Variants in TENM3 observed in about 807,000 individuals in gnomAD.
The protein encoded by TENM3 is teneurin-3.
Under a neutral mutation model 255.1 loss-of-function variants are expected in TENM3, and 63 were observed. The observed-to-expected ratio is 0.25, with a 90% CI of 0.20 to 0.30. The LOEUF (loss-of-function observed/expected upper bound fraction) is 0.30. Ranked by LOEUF, TENM3 falls within the 10% of genes least tolerant of loss-of-function variation. TENM3 has a pLI of 1.00. For synonymous variants in TENM3, 1,306 were observed against 1,322.3 expected (o/e 0.99, Z 0.27); for missense variants, 2,929 against 3,461.1 (o/e 0.85, Z 3.86).
chr4:182,381,781 G>C (rs531181463), intron 3 of TENM3, among the ~76,000 whole-genome samples: 2 of 152,078 alleles, frequency 1.3e-5, no homozygotes, highest in South Asian at 4.2e-4. Flanking sequence ...GGCTGGTCTC[G>C]AACTCCCGAC....
At chr4:181,779,505 A>C in the TENM3 span, among the ~76,000 whole-genome samples, 58,598 of 151,540 alleles carry the variant, frequency 0.39, 11,997 homozygotes, top group Non-Finnish European at 0.44. Flanking sequence ...TTTTCTATCA[A>C]TTCTGGTTCT....
chr4:182,379,594 A>T (rs1396551031), intron 3 of TENM3, among the ~76,000 whole-genome samples: 1 of 148,962 alleles, frequency 6.7e-6, no homozygotes, highest in African/African-American at 2.6e-5. Context: ...TGAGGAGGAG[A>T]ATGACTTGAA....
the TENM3 span, among the ~76,000 whole-genome samples, chr4:181,478,266 C>T: frequency 1.3e-5 from 2 of 152,216 alleles, no homozygotes; most frequent in East Asian, 3.9e-4. Flanking sequence ...CATTATCATA[C>T]GGTATTATAA....
the TENM3 span, among the ~76,000 whole-genome samples, chr4:181,462,936 T>C: frequency 6.6e-6 from 1 of 152,228 alleles, no homozygotes; most frequent in Non-Finnish European, 1.5e-5. Flanking sequence ...GTGCATCACC[T>C]GTATTGGGTT....
chr4:181,550,357 C>T, the TENM3 span, among the ~76,000 whole-genome samples: 1 of 152,192 alleles, frequency 6.6e-6, no homozygotes, highest in Non-Finnish European at 1.5e-5. Flanking sequence ...GCTAAATGCT[C>T]TTAATCAAAG....
chr4:181,473,835 G>GTATATA, the TENM3 span, among the ~76,000 whole-genome samples: 501 of 142,454 alleles, frequency 3.5e-3, 3 homozygotes, highest in South Asian at 4.5e-3. Flanking sequence ...TATGTATACT[G>GTATATA]TATATATATA....
At chr4:182,670,294 T>C (rs1330859583) in intron 6 of TENM3, among the ~76,000 whole-genome samples, 1 of 152,212 alleles carries the variant, frequency 6.6e-6, no homozygotes, top group East Asian at 1.9e-4. Flanking sequence ...TTGGAAATTT[T>C]ATTCCTTAGA....
the TENM3 span, among the ~76,000 whole-genome samples, chr4:181,984,548 GTA>G: frequency 1.3e-5 from 2 of 151,736 alleles, no homozygotes; most frequent in Non-Finnish European, 2.9e-5. Flanking sequence ...CATTGTGTGT[GTA>G]TATGTGTTTC....
the TENM3 span, among the ~76,000 whole-genome samples, chr4:181,802,310 A>G: frequency 2.6e-5 from 4 of 152,312 alleles, no homozygotes; most frequent in Non-Finnish European, 4.4e-5. Flanking sequence ...GACATTACAG[A>G]AAGAATTATG....
chr4:182,386,875 A>G (rs1300075495), intron 3 of TENM3, among the ~76,000 whole-genome samples: 2 of 152,184 alleles, frequency 1.3e-5, no homozygotes, highest in African/African-American at 4.8e-5. Flanking sequence ...TCCCCGACGA[A>G]TGCCGCCCCC....
the TENM3 span, among the ~76,000 whole-genome samples, chr4:181,897,434 A>G: frequency 1.3e-5 from 2 of 152,338 alleles, no homozygotes; most frequent in Admixed American, 1.3e-4. Context: ...TACATTTACA[A>G]GTGACTATCC....
chr4:181,911,077 TA>T, the TENM3 span, among the ~76,000 whole-genome samples: 1 of 152,200 alleles, frequency 6.6e-6, no homozygotes, highest in Non-Finnish European at 1.5e-5. Context: ...AAAAACGTTA[TA>T]ATCATTTTTC....
chr4:182,651,222 A>G (rs577493158), intron 5 of TENM3, among the ~76,000 whole-genome samples: 81 of 152,138 alleles, frequency 5.3e-4, no homozygotes, highest in African/African-American at 1.9e-3. Context: ...AGCTCCCATT[A>G]TTTTGTTCAA....
the TENM3 span, among the ~76,000 whole-genome samples, chr4:181,969,004 ATATGTG>A: frequency 1.9e-4 from 28 of 146,708 alleles, no homozygotes; most frequent in Middle Eastern, 3.4e-3. Context: ...ATATACATAT[ATATGTG>A]TGTGTGTGTA....
chr4:182,071,460 T>G, the TENM3 span, among the ~76,000 whole-genome samples: 286 of 151,548 alleles, frequency 1.9e-3, 3 homozygotes, highest in African/African-American at 5.5e-3. Context: ...TTTTTTTTTT[T>G]TTTGAGATGG....
At chr4:182,585,026 C>G (rs920860276) in intron 3 of TENM3, among the ~76,000 whole-genome samples, 1 of 152,166 alleles carries the variant, frequency 6.6e-6, no homozygotes, top group Non-Finnish European at 1.5e-5. Flanking sequence ...TATGGATATA[C>G]TAACATGTAA....
intron 3 of TENM3, among the ~76,000 whole-genome samples, chr4:182,449,237 C>CCGCTCCGGGGCCGGTGGCTCCGCTT (rs758941265): frequency 6.7e-6 from 1 of 149,490 alleles, no homozygotes; most frequent in Admixed American, 6.6e-5. Context: ...CGGCTCCGCT[C>CCGCTCCGGGGCCGGTGGCTCCGCTT]TTCTCCCTTG....
chr4:182,191,577 C>A (rs1479767850), intron 1 of TENM3, among the ~76,000 whole-genome samples: 2 of 151,806 alleles, frequency 1.3e-5, no homozygotes, highest in African/African-American at 4.8e-5. Flanking sequence ...TTTTTTGATT[C>A]TTTTAGGATG....
At chr4:182,238,793 A>C (rs1226255903), upstream of TENM3, among the ~76,000 whole-genome samples, 1 of 152,122 alleles carries the variant, frequency 6.6e-6, no homozygotes, top group Non-Finnish European at 1.5e-5. Flanking sequence ...AAATTATTAA[A>C]AGTTTTATAA....
Sources: gnomAD v4.1 joint callset for allele counts (sites outside exome capture counted in the v4.1 genomes callset) on GRCh38, gnomAD v4.1.1 for gene constraint, MANE v1.5 for transcripts, NCBI Gene and HGNC (gene_info 2026-07-23, HGNC 2026-07-21) for gene names.